VWA3B: variants seen among roughly 807,000 people sequenced by gnomAD.
VWA3B encodes the protein von Willebrand factor A domain containing 3B.
In VWA3B, 138 loss-of-function variants were observed where a neutral mutation model predicts 158.3. The ratio of observed to expected loss-of-function variants is 0.87; its 90% CI spans 0.76 to 1.00. The LOEUF (loss-of-function observed/expected upper bound fraction) is 1.00, where lower values mean the gene tolerates loss of function less well. Ranked by LOEUF, VWA3B falls within the 50% of genes least tolerant of loss-of-function variation. The pLI is 0.00. For missense variants in VWA3B, 1,555 were observed against 1,565.1 expected (o/e 0.99, Z 0.11); for synonymous variants, 596 against 587.3 (o/e 1.01, Z -0.21).
intron 10 of VWA3B, among the ~76,000 whole-genome samples, chr2:98,190,402 A>G (rs1414773830): frequency 6.6e-6 from 1 of 152,194 alleles, no homozygotes; most frequent in African/African-American, 2.4e-5. Context: ...TTGTAACTAG[A>G]TTAGAAACTA....
chr2:98,313,425 A>G (rs1254875428), downstream of VWA3B: 6 of 152,248 alleles, frequency 3.9e-5, no homozygotes, highest in South Asian at 4.1e-4. Context: ...CCCAGAACTC[A>G]GACGTTTCCT....
intron 14 of VWA3B, among the ~76,000 whole-genome samples, chr2:98,225,028 G>A (rs925812530): frequency 3.3e-5 from 5 of 152,192 alleles, no homozygotes; most frequent in African/African-American, 9.7e-5. Flanking sequence ...CCACCTCTAT[G>A]GTTCAAGCAA....
intron 7 of VWA3B, among the ~76,000 whole-genome samples, 164 bp from the exon 8 acceptor site, chr2:98,162,687 G>A (rs1678717809): frequency 6.6e-6 from 1 of 152,176 alleles, no homozygotes; most frequent in African/African-American, 2.4e-5. Context: ...CACTTCCTTG[G>A]GGATTTCAGT....
chr2:98,282,803 C>G (rs1461362682), intron 22 of VWA3B, among the ~76,000 whole-genome samples: 1 of 152,218 alleles, frequency 6.6e-6, no homozygotes, highest in South Asian at 2.1e-4. Context: ...AACTTACAGG[C>G]GTATGAATGA....
At chr2:98,186,260 C>G (rs1363616774) in intron 9 of VWA3B, among the ~76,000 whole-genome samples, 2 of 150,310 alleles carry the variant, frequency 1.3e-5, no homozygotes, top group Non-Finnish European at 3.0e-5. Flanking sequence ...TTGTCCTTAA[C>G]CTGTCAATGC....
At chr2:98,254,920 C>T (rs1290781462) in intron 20 of VWA3B, among the ~76,000 whole-genome samples, 1 of 152,152 alleles carries the variant, frequency 6.6e-6, no homozygotes, top group East Asian at 1.9e-4. Flanking sequence ...TGAGCCCTGT[C>T]CAGCTGATGC....
At chr2:98,192,830 G>A in intron 10 of VWA3B, 68 bp from the exon 11 acceptor site, 1 of 1,608,074 alleles carries the variant, frequency 6.2e-7, no homozygotes, top group East Asian at 2.2e-5. Context: ...GCATCGTTAA[G>A]TTCTTGGGAA....
intron 1 of VWA3B, 105 bp from the exon 2 acceptor site, chr2:98,092,956 A>G: frequency 1.4e-6 from 1 of 714,184 alleles, no homozygotes; most frequent in Non-Finnish European, 2.2e-6. Flanking sequence ...GATAAATAGC[A>G]TTCCACTTCA....
At chr2:98,095,051 G>A (rs1273511409) in intron 2 of VWA3B, among the ~76,000 whole-genome samples, 2 of 152,142 alleles carry the variant, frequency 1.3e-5, no homozygotes, top group African/African-American at 4.8e-5. Context: ...TTGAAGCCAG[G>A]TAATGTGATG....
At chr2:98,326,952 C>T in the VWA3B span, among the ~76,000 whole-genome samples, 6 of 150,166 alleles carry the variant, frequency 4.0e-5, no homozygotes, top group Non-Finnish European at 7.4e-5. Context: ...ATTCTGACCT[C>T]TGGAAATGCA....
At chr2:98,164,977 C>T (rs575590139) in intron 8 of VWA3B, among the ~76,000 whole-genome samples, 4 of 152,184 alleles carry the variant, frequency 2.6e-5, no homozygotes, top group East Asian at 1.9e-4. Flanking sequence ...TTCTGCACAA[C>T]GACTATCATA....
Position 98,202,272 on chromosome 2 carries a change from C to T in VWA3B, c.1737+7780C>T, listed in dbSNP as rs151317837. On this transcript the variant is annotated intron_variant, in intron 12 of 27. Coordinates refer to ENST00000477737, the MANE Select transcript of VWA3B (RefSeq NM_144992.5). ...TTAGAAGGAAGCAGCCCATTTCTTCCATAGGGTTGAATTTATGAGCATAGA... is the reference window on the plus strand; with the variant it reads ...TTAGAAGGAAGCAGCCCATTTCTTCTATAGGGTTGAATTTATGAGCATAGA... Among the ~76,000 whole-genome samples the T allele has an allele frequency of 2.0e-4, 31 of 152,274 alleles. No individual in the cohort carries two copies. The East Asian group carries it at 5.8e-3, about 28-fold the overall frequency.
chr2:98,275,965 G>C (rs1355680381), intron 22 of VWA3B, among the ~76,000 whole-genome samples: 1 of 152,244 alleles, frequency 6.6e-6, no homozygotes, highest in East Asian at 1.9e-4. Flanking sequence ...CAGTGCAGGA[G>C]AAGGCATTTA....
rs1203524660 is a variant in VWA3B, at chr2:98,121,446, G to A, written c.690G>A (p.Gly230=). 6.2e-7 allele frequency: 1 copy of A among 1,613,924 alleles called. No individual in the cohort carries two copies. Among genetic ancestry groups the A allele is most frequent in the African/African-American group, 1.3e-5 (1 of 75,062 alleles). ...AGRLDALLEA[G]RDKTIESIYY... ...GCCTGGATGCTCTGCTGGAAGCCGG[G>A]AGAGACAAGACTGTAAGTGCGTGTT... The change falls in exon 5 of 28, where the codon GGG becomes GGA. Residue 230 remains glycine (G), a synonymous_variant. Transcript: ENST00000477737.
chr2:98,167,526 G>A (rs1679187733), intron 8 of VWA3B, among the ~76,000 whole-genome samples: 1 of 152,148 alleles, frequency 6.6e-6, no homozygotes, highest in South Asian at 2.1e-4. Flanking sequence ...GGCGCACAGA[G>A]GAGGAACGTA....
intron 7 of VWA3B, among the ~76,000 whole-genome samples, chr2:98,151,820 A>G (rs1169051558): frequency 6.6e-6 from 1 of 152,206 alleles, no homozygotes; most frequent in African/African-American, 2.4e-5. Flanking sequence ...CACACATGGA[A>G]ATGTCTAGCA....
intron 5 of VWA3B, among the ~76,000 whole-genome samples, chr2:98,126,818 T>A (rs1415416098): frequency 6.6e-6 from 1 of 152,190 alleles, no homozygotes; most frequent in Non-Finnish European, 1.5e-5. Context: ...AGTGGCCTGA[T>A]CTCAGCTCCC....
At position 98,119,752 on chromosome 2, in the gene VWA3B, C is replaced by T; in HGVS notation, c.531C>T (p.Phe177=). ...LQEQVAHITE[F]NIIRVSQEPV... ...AGCAGGTGGCTCACATAACCGAGTT[C>T]AATATCATACGGTGAGTTCCCATAG... is the stretch of plus-strand genomic sequence containing the variant. Residue 177 remains phenylalanine, a synonymous_variant, in exon 4 of 28, where the codon TTC becomes TTT. Transcript: ENST00000477737. 6.2e-7 allele frequency: 1 copy of T among 1,613,842 alleles called. No individual in the cohort carries two copies. Among genetic ancestry groups the T allele is most frequent in the Non-Finnish European group, 8.5e-7 (1 of 1,179,906 alleles).
chr2:98,247,198 A>G (rs1035565070), intron 19 of VWA3B, among the ~76,000 whole-genome samples: 11 of 151,862 alleles, frequency 7.2e-5, no homozygotes, highest in Non-Finnish European at 7.4e-5. Context: ...GGGTTTCACC[A>G]TGTTGGCCAG....
Sources: gnomAD v4.1 joint callset for allele counts (sites outside exome capture counted in the v4.1 genomes callset) on GRCh38, gnomAD v4.1.1 for gene constraint, MANE v1.5 for transcripts, NCBI Gene and HGNC (gene_info 2026-07-23, HGNC 2026-07-21) for gene names.